The following GALNT8 variants were observed in gnomAD, a reference collection of about 807,000 sequenced individuals.
GALNT8 encodes polypeptide N-acetylgalactosaminyltransferase 8, also known as probable polypeptide N-acetylgalactosaminyltransferase 8.
Under a neutral mutation model 62.7 loss-of-function variants are expected in GALNT8, and 66 were observed. The ratio of observed to expected loss-of-function variants is 1.05; its 90% CI spans 0.86 to 1.29. The LOEUF (loss-of-function observed/expected upper bound fraction) is 1.29, where lower values mean the gene tolerates loss of function less well. Among genes scored for constraint, GALNT8 ranks in the 50% most tolerant of loss-of-function variants. GALNT8 has a pLI of 0.00. For synonymous variants in GALNT8, 288 were observed against 294.3 expected (o/e 0.98, Z 0.22); for missense variants, 771 against 791.8 (o/e 0.97, Z 0.32).
chr12:4,720,565 A>C lies in GALNT8; in HGVS notation c.-113A>C. 1 of 754,302 alleles carries C rather than the reference A, an allele frequency of 1.3e-6. No individual in the cohort carries two copies. The highest frequency in any genetic ancestry group is 1.6e-5 in the South Asian group (1 of 62,932). 46.7% of individuals were successfully genotyped at this position (754,302 alleles called of 1,614,324 possible). A position where few individuals can be genotyped will look rare whatever the true frequency, so the allele number is the denominator to read the frequency against. On this transcript the variant is annotated 5_prime_UTR_variant, in exon 1 of 11. Coordinates refer to ENST00000252318, the MANE Select transcript of GALNT8 (RefSeq NM_017417.2). ...TGTCTCACACAGGGGAGACCAACTC[A>C]ACTGGCACCTAGAACTCTCTTTCCC...
In GALNT8 at chr12:4,744,749, T is replaced by G. The variant is rs12312983; in HGVS notation, c.860+49T>G. 0.4 allele frequency: 519,975 copies of G among 1,295,276 alleles called. 106,946 individuals carry two copies. Among genetic ancestry groups the G allele is most frequent in the Admixed American group, 0.44 (23,982 of 54,472 alleles). 80.2% of individuals were successfully genotyped at this position (1,295,276 alleles called of 1,614,324 possible). ...TTCTGGAAAGGGCAGAGAGGAGATATTGTGCATGTACTGAACACAAGACAG... is the reference window on the plus strand; with the variant it reads ...TTCTGGAAAGGGCAGAGAGGAGATAGTGTGCATGTACTGAACACAAGACAG... On this transcript the variant is annotated intron_variant, in intron 4 of 10. Transcript: ENST00000252318.
intron 2 of GALNT8, among the ~76,000 whole-genome samples, chr12:4,734,791 C>T (rs1350390805): frequency 1.3e-5 from 2 of 152,128 alleles, no homozygotes; most frequent in Non-Finnish European, 2.9e-5. Context: ...CCTCATATCT[C>T]TTGGCACTAC....
chr12:4,762,644 C>A (rs572030285), intron 7 of GALNT8, among the ~76,000 whole-genome samples: 1 of 152,176 alleles, frequency 6.6e-6, no homozygotes, highest in Admixed American at 6.5e-5. Context: ...TTTGAAAGAG[C>A]AGAATTTTCT....
At chr12:4,725,883 A>C (rs1042863231) in intron 1 of GALNT8, among the ~76,000 whole-genome samples, 2 of 152,168 alleles carry the variant, frequency 1.3e-5, no homozygotes, top group African/African-American at 4.8e-5. Flanking sequence ...ACGATCACGC[A>C]AGTTGGAAAT....
Position 4,749,307 on chromosome 12 carries a change from G to A in GALNT8, c.1173+3049G>A, listed in dbSNP as rs565098607. On this transcript the variant is annotated intron_variant, in intron 6 of 10. Coordinates refer to ENST00000252318, the MANE Select transcript of GALNT8 (RefSeq NM_017417.2). The surrounding 1 kb of genome is among the most constrained non-coding windows in gnomAD (Gnocchi z 4.1). ...CCAGATCTTAGAGGAAAGGCTTTCA[G>A]TTATGTTAAGGTATGTTTCTTCTAT... Among the ~76,000 whole-genome samples the A allele has an allele frequency of 1.3e-5, 2 of 151,918 alleles. No homozygotes were observed. The highest frequency in any genetic ancestry group is 2.1e-4 in the South Asian group (1 of 4,812).
chr12:4,743,676 G>A (rs998896155), intron 3 of GALNT8, among the ~76,000 whole-genome samples: 4 of 152,262 alleles, frequency 2.6e-5, no homozygotes, highest in Non-Finnish European at 5.9e-5. Context: ...TATGTGACTT[G>A]GAAAAGTTTT....
intron 10 of GALNT8, among the ~76,000 whole-genome samples, chr12:4,769,143 G>A (rs1946412256): frequency 6.6e-6 from 1 of 152,156 alleles, no homozygotes; most frequent in African/African-American, 2.4e-5. Context: ...TCCATCTTCG[G>A]GGTGAAGCAA....
At chr12:4,770,611 A>T (rs1353938159) in intron 10 of GALNT8, among the ~76,000 whole-genome samples, 1 of 152,222 alleles carries the variant, frequency 6.6e-6, no homozygotes. Flanking sequence ...CTTATAAAAC[A>T]TAGTCTTATA....
Position 4,763,376 on chromosome 12 carries a change from G to A in GALNT8, c.1483G>A (p.Val495Met), listed in dbSNP as rs1255124759. The A allele has an allele frequency of 6.2e-6, 10 of 1,612,630 alleles. No individual in the cohort carries two copies. Among genetic ancestry groups the A allele is most frequent in the Non-Finnish European group, 7.6e-6 (9 of 1,178,764 alleles). The change falls in exon 8 of 11, where the codon GTG (valine) becomes ATG (methionine). Residue 495 changes from valine to methionine, a missense_variant. Coordinates refer to ENST00000252318, the MANE Select transcript of GALNT8 (RefSeq NM_017417.2). ...ACTCTTGAAGCCACTCCACACCATC[G>A]TGGGCTATGGAAGAGTATGTATTAT... ...YPLLKPLHTIVGYGRMKNLLD... is the reference protein window; with the variant it reads ...YPLLKPLHTIMGYGRMKNLLD...
At chr12:4,728,566 T>C (rs1364383759) in intron 2 of GALNT8, among the ~76,000 whole-genome samples, 1 of 152,134 alleles carries the variant, frequency 6.6e-6, no homozygotes, top group Admixed American at 6.5e-5. Flanking sequence ...CCAACTTCAT[T>C]ATTTTATGTG....
chr12:4,759,375 A>G (rs1372847555), intron 6 of GALNT8, among the ~76,000 whole-genome samples: 1 of 151,654 alleles, frequency 6.6e-6, no homozygotes, highest in Admixed American at 6.6e-5. Context: ...ATTTAATCCC[A>G]GTGAAAACCC....
At chr12:4,759,736 G>A (rs1946363134) in intron 6 of GALNT8, among the ~76,000 whole-genome samples, 7 of 152,060 alleles carry the variant, frequency 4.6e-5, no homozygotes, top group Admixed American at 4.6e-4. Context: ...TATCTCAGGT[G>A]CTCCCATTGG....
At position 4,724,875 on chromosome 12, in the gene GALNT8, G is replaced by A. The variant is rs577343878; in HGVS notation, c.212-1657G>A. Among the ~76,000 whole-genome samples, 7 of 152,286 alleles carry A rather than the reference G, an allele frequency of 4.6e-5. No individual in the cohort carries two copies. The East Asian group carries it at 1.4e-3, about 29-fold the overall frequency. On this transcript the variant is annotated intron_variant, in intron 1 of 10. Coordinates refer to ENST00000252318, the MANE Select transcript of GALNT8 (RefSeq NM_017417.2). Reference sequence around the variant, plus strand: ...TGCTTCCCTCTTGGGGGCTGTATATGGATCTGAAATCCAGCACACACGTTC... The same window carrying A: ...TGCTTCCCTCTTGGGGGCTGTATATAGATCTGAAATCCAGCACACACGTTC...
intron 3 of GALNT8, among the ~76,000 whole-genome samples, chr12:4,742,490 A>G (rs184373844): frequency 6.6e-6 from 1 of 152,210 alleles, no homozygotes; most frequent in East Asian, 1.9e-4. Context: ...GATGTCAGAG[A>G]GTTCAAGTTT....
intron 6 of GALNT8, among the ~76,000 whole-genome samples, chr12:4,750,786 A>G (rs1252864452): frequency 6.6e-6 from 1 of 152,174 alleles, no homozygotes; most frequent in Non-Finnish European, 1.5e-5. Context: ...TCACACTCCC[A>G]TCAACAGTGT....
intron 6 of GALNT8, among the ~76,000 whole-genome samples, chr12:4,754,539 C>T (rs1285773689): frequency 6.6e-6 from 1 of 152,110 alleles, no homozygotes; most frequent in Non-Finnish European, 1.5e-5. Context: ...CCCAAGGACT[C>T]TCAAGTTAGC....
Position 4,729,662 on chromosome 12 carries a change from C to G in GALNT8, c.509+2833C>G, listed in dbSNP as rs144244518. On this transcript the variant is annotated intron_variant, in intron 2 of 10. Coordinates refer to ENST00000252318, the MANE Select transcript of GALNT8 (RefSeq NM_017417.2). ...ATTCCATCTATTATGGAATAGTATT[C>G]CACTATTATGAATAATGCTCCAATG... Among the ~76,000 whole-genome samples the G allele has an allele frequency of 2.2e-3, 335 of 152,102 alleles. 2 individuals are homozygous for G. The highest frequency in any genetic ancestry group is 7.5e-3 in the African/African-American group (312 of 41,516).
intron 2 of GALNT8, 21 bp from the exon 3 acceptor site, chr12:4,739,142 T>C (rs768136169): frequency 6.6e-7 from 1 of 1,515,406 alleles, no homozygotes; most frequent in Non-Finnish European, 9.0e-7. Flanking sequence ...AATAATATGT[T>C]ATAAAAATGG....
Position 4,744,508 on chromosome 12 carries a change from G to T in GALNT8, c.677-9G>T. On this transcript the variant is annotated splice_polypyrimidine_tract_variant and intron_variant, in intron 3 of 10. Coordinates refer to ENST00000252318, the MANE Select transcript of GALNT8 (RefSeq NM_017417.2). ...TCAGAATTTCTATAGGTGTGCACTT[G>T]ATTGACAGGAGAACTAAAGGTACAC... 6.3e-7 allele frequency: 1 copy of T among 1,592,858 alleles called. No homozygotes were observed. Among genetic ancestry groups the T allele is most frequent in the Non-Finnish European group, 8.6e-7 (1 of 1,166,708 alleles).
Sources: allele counts gnomAD v4.1 joint callset (sites outside exome capture counted in the v4.1 genomes callset), GRCh38; gene constraint gnomAD v4.1.1; non-coding constraint Gnocchi (gnomAD v3.1); transcripts MANE v1.5; gene names NCBI Gene and HGNC (gene_info 2026-07-23, HGNC 2026-07-21).